The following CSGALNACT1 variants were observed in gnomAD, a reference collection of about 807,000 sequenced individuals.
CSGALNACT1 encodes the protein chondroitin sulfate N-acetylgalactosaminyltransferase 1.
Under a neutral mutation model 51.0 loss-of-function variants are expected in CSGALNACT1, and 52 were observed. The ratio of observed to expected loss-of-function variants is 1.02; its 90% confidence interval spans 0.82 to 1.29. The LOEUF (loss-of-function observed/expected upper bound fraction) is 1.29, where lower values mean the gene tolerates loss of function less well. CSGALNACT1 is among the 50% of genes most tolerant of loss of function. CSGALNACT1 has a pLI of 0.00. For synonymous variants in CSGALNACT1, 341 were observed against 254.4 expected, an observed-to-expected ratio of 1.34 and a Z score of -3.24; for missense variants, 935 against 679.2, an observed-to-expected ratio of 1.38 and a Z score of -4.19.
intron 1 of CSGALNACT1, among the ~76,000 whole-genome samples, chr8:19,694,544 C>T (rs909540601): frequency 6.6e-6 from 1 of 152,240 alleles, no homozygotes; most frequent in African/African-American, 2.4e-5. Flanking sequence ...CTGGCAAACG[C>T]CATGGCTTTC....
intron 1 of CSGALNACT1, among the ~76,000 whole-genome samples, chr8:19,667,375 G>C (rs1033960579): frequency 3.9e-5 from 6 of 152,108 alleles, no homozygotes; most frequent in African/African-American, 1.4e-4. Flanking sequence ...GGTTGAGGCT[G>C]AAGTGAGCTG....
intron 3 of CSGALNACT1, among the ~76,000 whole-genome samples, chr8:19,512,095 C>T (rs772517227): frequency 1.4e-4 from 22 of 152,172 alleles, no homozygotes; most frequent in Admixed American, 5.9e-4. Context: ...ACCAATATGG[C>T]AGAAGAAGTG....
chr8:19,584,300 T>C (rs2046192495), intron 3 of CSGALNACT1, among the ~76,000 whole-genome samples: 1 of 152,242 alleles, frequency 6.6e-6, no homozygotes. Flanking sequence ...ATTGGTACTC[T>C]GTAATTAAGT....
chr8:19,693,731 G>C (rs1257469689), intron 1 of CSGALNACT1, among the ~76,000 whole-genome samples: 1 of 151,838 alleles, frequency 6.6e-6, no homozygotes, highest in African/African-American at 2.4e-5. Flanking sequence ...CCCAAGCCCT[G>C]ACCACCCACA....
chr8:19,736,698 GA>G (rs994682841), intron 1 of CSGALNACT1, among the ~76,000 whole-genome samples: 1 of 152,050 alleles, frequency 6.6e-6, no homozygotes, highest in South Asian at 2.1e-4. Flanking sequence ...AAATAGAGCT[GA>G]AAAAATTACC....
intron 6 of CSGALNACT1, among the ~76,000 whole-genome samples, chr8:19,423,995 G>A (rs1461459240): frequency 6.6e-6 from 1 of 152,186 alleles, no homozygotes; most frequent in African/African-American, 2.4e-5. Flanking sequence ...CGGCTTGCCT[G>A]TTCTCCCTGC....
At chr8:19,574,640 C>T (rs1284856895) in intron 3 of CSGALNACT1, among the ~76,000 whole-genome samples, 1 of 152,026 alleles carries the variant, frequency 6.6e-6, no homozygotes, top group African/African-American at 2.4e-5. Flanking sequence ...CCTGGCAGTG[C>T]CCTCCAGCCC....
intron 6 of CSGALNACT1, among the ~76,000 whole-genome samples, chr8:19,435,065 T>C (rs1281278753): frequency 6.6e-6 from 1 of 152,176 alleles, no homozygotes; most frequent in Non-Finnish European, 1.5e-5. Flanking sequence ...GTGTCTCATT[T>C]CTAGCATCTC....
At chr8:19,568,326 G>C (rs750219642) in intron 3 of CSGALNACT1, among the ~76,000 whole-genome samples, 1 of 152,110 alleles carries the variant, frequency 6.6e-6, no homozygotes, top group Non-Finnish European at 1.5e-5. Flanking sequence ...GTAAGTATTT[G>C]TGTATCTAAA....
At chr8:19,430,946 A>G (rs2059567419) in intron 6 of CSGALNACT1, among the ~76,000 whole-genome samples, 1 of 152,198 alleles carries the variant, frequency 6.6e-6, no homozygotes, top group African/African-American at 2.4e-5. Flanking sequence ...TTATATTACT[A>G]TGAAAATTGT....
intron 1 of CSGALNACT1, among the ~76,000 whole-genome samples, chr8:19,713,447 T>C (rs902794331): frequency 2.0e-5 from 3 of 152,120 alleles, no homozygotes; most frequent in Non-Finnish European, 2.9e-5. Flanking sequence ...CTAAAAAAGA[T>C]AGGTGGAAGT....
chr8:19,692,067 T>C (rs1204209691), intron 1 of CSGALNACT1, among the ~76,000 whole-genome samples: 1 of 151,586 alleles, frequency 6.6e-6, no homozygotes, highest in Non-Finnish European at 1.5e-5. Context: ...CAAGCAAGAG[T>C]AGGGAAAACT....
chr8:19,654,424 G>C (rs764017018), intron 1 of CSGALNACT1, among the ~76,000 whole-genome samples: 1 of 152,206 alleles, frequency 6.6e-6, no homozygotes, highest in Non-Finnish European at 1.5e-5. Context: ...CGAATCAGGT[G>C]AACTTAAATC....
chr8:19,625,986 A>G (rs142511724), intron 1 of CSGALNACT1, among the ~76,000 whole-genome samples: 1 of 152,364 alleles, frequency 6.6e-6, no homozygotes, highest in Non-Finnish European at 1.5e-5. Context: ...CTGAGACAAT[A>G]AAACACATAC....
At chr8:19,590,778 T>C (rs2047651524) in intron 3 of CSGALNACT1, among the ~76,000 whole-genome samples, 1 of 151,368 alleles carries the variant, frequency 6.6e-6, no homozygotes, top group African/African-American at 2.4e-5. Context: ...GCCTCTCATG[T>C]AGCTGGGATT....
intron 3 of CSGALNACT1, among the ~76,000 whole-genome samples, chr8:19,574,488 C>T (rs1316841982): frequency 6.6e-6 from 1 of 152,192 alleles, no homozygotes; most frequent in East Asian, 1.9e-4. Context: ...CATGCAGGAA[C>T]AATAAATACA....
chr8:19,545,940 A>G (rs1326181686), intron 3 of CSGALNACT1, among the ~76,000 whole-genome samples: 1 of 151,154 alleles, frequency 6.6e-6, no homozygotes, highest in East Asian at 1.9e-4. Flanking sequence ...TGCACAAAAA[A>G]TAAAATAAAG....
chr8:19,509,351 G>A (rs1263987647), intron 3 of CSGALNACT1, among the ~76,000 whole-genome samples: 1 of 152,070 alleles, frequency 6.6e-6, no homozygotes, highest in Non-Finnish European at 1.5e-5. Context: ...CGGGCACGGT[G>A]GCTCACACCT....
At chr8:19,720,892 G>T (rs374551642) in intron 1 of CSGALNACT1, among the ~76,000 whole-genome samples, 2 of 152,142 alleles carry the variant, frequency 1.3e-5, no homozygotes, top group Admixed American at 6.6e-5. Context: ...TCCCCAAGGG[G>T]GCCTGCTGAA....
Sources: allele counts gnomAD v4.1 joint callset (sites outside exome capture counted in the v4.1 genomes callset), GRCh38; gene constraint gnomAD v4.1.1; transcripts MANE v1.5; gene names NCBI Gene and HGNC (gene_info 2026-07-23, HGNC 2026-07-21).